The following PIGL variants were observed in gnomAD, a reference collection of about 807,000 sequenced individuals.
The protein encoded by PIGL is N-acetylglucosaminyl-phosphatidylinositol de-N-acetylase.
In PIGL, 22 loss-of-function variants were observed where a neutral mutation model predicts 31.1. That is an observed-to-expected ratio of 0.71 (90% CI 0.51 to 1.01). The LOEUF is 1.01. Ranked by LOEUF, PIGL falls within the 50% of genes least tolerant of loss-of-function variation. PIGL has a pLI of 0.00. For missense variants in PIGL, 302 were observed against 315.9 expected (o/e 0.96, Z 0.33); for synonymous variants, 131 against 117.4 (o/e 1.12, Z -0.75).
intron 2 of PIGL, among the ~76,000 whole-genome samples, chr17:16,262,285 G>A (rs2092822442): frequency 6.6e-6 from 1 of 152,180 alleles, no homozygotes; most frequent in Admixed American, 6.5e-5. Context: ...TTTCTCCAAA[G>A]AAGGTATCAA....
chr17:16,311,157 C>T (rs961521973), intron 3 of PIGL, among the ~76,000 whole-genome samples: 7 of 152,128 alleles, frequency 4.6e-5, no homozygotes, highest in Non-Finnish European at 1.5e-5. Flanking sequence ...GTCACCTTTC[C>T]TTGGGGACAG....
At chr17:16,253,334 G>A (rs2092780739) in intron 2 of PIGL, among the ~76,000 whole-genome samples, 1 of 152,068 alleles carries the variant, frequency 6.6e-6, no homozygotes, top group Non-Finnish European at 1.5e-5. Context: ...GCCTATTAAA[G>A]TGCATGGGGG....
At chr17:16,313,683 C>A in intron 4 of PIGL, 69 bp downstream of exon 4, 1 of 1,229,520 alleles carries the variant, frequency 8.1e-7, no homozygotes, top group Middle Eastern at 2.0e-4. Context: ...GGTTTAAAGT[C>A]TAAAGCACTT....
chr17:16,217,438 T>G lies in PIGL; in HGVS notation c.212T>G (p.Val71Gly). 1 of 1,614,062 alleles carries G rather than the reference T, an allele frequency of 6.2e-7. No individual in the cohort carries two copies. The highest frequency in any genetic ancestry group is 8.5e-7 in the Non-Finnish European group (1 of 1,179,928). The stretch of plus-strand genomic sequence containing the variant: ...GGCTTGGCCCGCCTAAGGCACTGGG[T>G]GTACCTGCTTTGCTTCTCTGCAGGT... ...VLGLARLRHWVYLLCFSAGNY... is the reference protein window; with the variant it reads ...VLGLARLRHWGYLLCFSAGNY... The change falls in exon 1 of 7, where the codon GTG (valine) becomes GGG (glycine). Residue 71 changes from valine (V) to glycine (G), a missense_variant. Transcript: ENST00000225609.
chr17:16,254,903 A>G (rs190909481), intron 2 of PIGL, among the ~76,000 whole-genome samples: 1 of 152,288 alleles, frequency 6.6e-6, no homozygotes, highest in African/African-American at 2.4e-5. Flanking sequence ...TGCCTGGCCC[A>G]TATACACTAG....
chr17:16,230,256 TG>T (rs1197623170), intron 1 of PIGL, among the ~76,000 whole-genome samples: 1 of 152,142 alleles, frequency 6.6e-6, no homozygotes, highest in Non-Finnish European at 1.5e-5. Flanking sequence ...CCCAGGCCTC[TG>T]GGCTCCAGTA....
chr17:16,265,020 A>G (rs2092836458), intron 2 of PIGL, among the ~76,000 whole-genome samples: 1 of 152,256 alleles, frequency 6.6e-6, no homozygotes, highest in Non-Finnish European at 1.5e-5. Flanking sequence ...ACATCAATTT[A>G]TATAATGCTT....
intron 2 of PIGL, among the ~76,000 whole-genome samples, chr17:16,271,669 C>G (rs748693189): frequency 6.6e-6 from 1 of 151,684 alleles, no homozygotes; most frequent in Admixed American, 6.6e-5. Context: ...GTAGCTGGGA[C>G]TACAGGCGCA....
chr17:16,241,114 C>CAAAAA (rs35578509), intron 2 of PIGL, among the ~76,000 whole-genome samples: 30 of 52,886 alleles, frequency 5.7e-4, no homozygotes, highest in African/African-American at 7.3e-4. Flanking sequence ...AACTCCCTCT[C>CAAAAA]AAAAAAAAAA....
intron 2 of PIGL, among the ~76,000 whole-genome samples, chr17:16,278,005 A>G (rs781326592): frequency 2.6e-5 from 4 of 152,174 alleles, no homozygotes; most frequent in Non-Finnish European, 4.4e-5. Flanking sequence ...TTTTATACCA[A>G]ACAAGCCAAA....
At chr17:16,315,057 G>C (rs1362761606) in intron 4 of PIGL, among the ~76,000 whole-genome samples, 1 of 152,092 alleles carries the variant, frequency 6.6e-6, no homozygotes, top group African/African-American at 2.4e-5. Flanking sequence ...TGAGTCACCT[G>C]GTCCCATTCC....
intron 1 of PIGL, among the ~76,000 whole-genome samples, chr17:16,229,085 A>G (rs2092666750): frequency 6.6e-6 from 1 of 152,092 alleles, no homozygotes; most frequent in African/African-American, 2.4e-5. Context: ...AGTCTGGACA[A>G]CATAGTGAGA....
At chr17:16,285,176 C>CT (rs2092932101) in intron 2 of PIGL, among the ~76,000 whole-genome samples, 1 of 152,196 alleles carries the variant, frequency 6.6e-6, no homozygotes, top group East Asian at 1.9e-4. Flanking sequence ...GCTTTATGTA[C>CT]TTTATTTGTT....
At chr17:16,285,889 C>G (rs1208182318) in intron 2 of PIGL, among the ~76,000 whole-genome samples, 2 of 152,226 alleles carry the variant, frequency 1.3e-5, no homozygotes, top group Non-Finnish European at 2.9e-5. Flanking sequence ...CTCCCTGCAG[C>G]TTAGACTTCA....
intron 2 of PIGL, among the ~76,000 whole-genome samples, chr17:16,263,878 G>A (rs866896962): frequency 9.4e-5 from 8 of 85,022 alleles, no homozygotes; most frequent in Non-Finnish European, 1.5e-4. Context: ...TTTCACTCTT[G>A]TTGCCCAGGC....
chr17:16,326,019 C>G lies in PIGL; in HGVS notation c.*121C>G. 1.4e-6 allele frequency: 1 copy of G among 703,452 alleles called. No homozygotes were observed. The highest frequency in any genetic ancestry group is 2.4e-6 in the Non-Finnish European group (1 of 414,742). The allele number at this position is 703,452 out of a possible 1,614,324, so 43.6% of individuals were successfully genotyped here. ...AAGGAGATCCCCGCTGGAGCAGCCTCTGCAAAAGGGAGCCCATGTAGGCCA... is the reference window on the plus strand; with the variant it reads ...AAGGAGATCCCCGCTGGAGCAGCCTGTGCAAAAGGGAGCCCATGTAGGCCA... On this transcript the variant is annotated 3_prime_UTR_variant, in exon 7 of 7. Coordinates refer to ENST00000225609, the MANE Select transcript of PIGL (RefSeq NM_004278.4).
intron 2 of PIGL, among the ~76,000 whole-genome samples, chr17:16,274,662 G>A (rs1022296788): frequency 2.0e-5 from 3 of 151,856 alleles, no homozygotes; most frequent in Admixed American, 1.3e-4. Flanking sequence ...GGCAGAGGTT[G>A]CATTGAGCTG....
intron 2 of PIGL, among the ~76,000 whole-genome samples, chr17:16,288,825 C>A (rs956741241): frequency 6.6e-6 from 1 of 152,222 alleles, no homozygotes; most frequent in Non-Finnish European, 1.5e-5. Context: ...AGGCGTGAGC[C>A]ACCACACCTA....
chr17:16,295,636 ACT>A (rs1434688222), intron 2 of PIGL, among the ~76,000 whole-genome samples: 2 of 151,502 alleles, frequency 1.3e-5, no homozygotes, highest in East Asian at 3.9e-4. Context: ...ACAGAGCAAG[ACT>A]CTGTCTCAAA....
Sources: gnomAD v4.1 joint callset for allele counts (sites outside exome capture counted in the v4.1 genomes callset) on GRCh38, gnomAD v4.1.1 for gene constraint, MANE v1.5 for transcripts, NCBI Gene and HGNC (gene_info 2026-07-23, HGNC 2026-07-21) for gene names.